The following CSMD3 variants were observed in gnomAD, a reference collection of about 807,000 sequenced individuals.
CSMD3 encodes the protein CUB and sushi domain-containing protein 3.
In CSMD3, 177 loss-of-function variants were observed where a neutral mutation model predicts 435.2. That is an observed-to-expected ratio of 0.41 (90% CI 0.36 to 0.46). CSMD3 has a LOEUF of 0.46. Ranked by LOEUF, CSMD3 falls within the 20% of genes least tolerant of loss-of-function variation. The pLI is 0.34. For synonymous variants in CSMD3, 1,656 were observed against 1,520.5 expected, an observed-to-expected ratio of 1.09 and a Z score of -2.07; for missense variants, 4,265 against 4,504.6, an observed-to-expected ratio of 0.95 and a Z score of 1.52.
rs549609428 is a variant in CSMD3 at position 113,059,631 on chromosome 8, G to A, written c.917+39125C>T. On this transcript the variant is annotated intron_variant, in intron 5 of 70. Coordinates refer to ENST00000297405, the MANE Select transcript of CSMD3 (RefSeq NM_198123.2). The stretch of plus-strand genomic sequence containing the variant: ...GAAAAGTGGCTTAAATGTTGAAAAA[G>A]ATCTGAGGTTATGGTTGTATGTAAG... Among the ~76,000 whole-genome samples the A allele has an allele frequency of 4.6e-5, 7 of 152,262 alleles. No individual in the cohort carries two copies. In the East Asian group the frequency reaches 1.3e-3, roughly 29 times the overall value.
chr8:112,930,654 A>G (rs1393505534), intron 9 of CSMD3, among the ~76,000 whole-genome samples: 7 of 152,126 alleles, frequency 4.6e-5, no homozygotes, highest in South Asian at 2.1e-4. Context: ...TTTACAAAGT[A>G]CTTTCCTCTA....
At chr8:113,358,875 T>C (rs1330888637) in intron 1 of CSMD3, among the ~76,000 whole-genome samples, 2 of 151,820 alleles carry the variant, frequency 1.3e-5, no homozygotes, top group South Asian at 2.1e-4. Flanking sequence ...TCATGCCACA[T>C]AGCAAAATAA....
intron 32 of CSMD3, among the ~76,000 whole-genome samples, chr8:112,464,876 T>C (rs752762170): frequency 6.6e-6 from 1 of 152,154 alleles, no homozygotes; most frequent in African/African-American, 2.4e-5. Context: ...AAATATAAAA[T>C]GGTGAACAAA....
intron 45 of CSMD3, among the ~76,000 whole-genome samples, chr8:112,327,275 A>G (rs1324233523): frequency 6.6e-6 from 1 of 152,184 alleles, no homozygotes; most frequent in African/African-American, 2.4e-5. Context: ...ACTCAGGAAG[A>G]AAATAAACAG....
chr8:112,958,313 T>A (rs1004033716), intron 7 of CSMD3, among the ~76,000 whole-genome samples: 2 of 152,228 alleles, frequency 1.3e-5, no homozygotes, highest in African/African-American at 2.4e-5. Context: ...TAATCATTTT[T>A]AAAATTTTTC....
intron 6 of CSMD3, among the ~76,000 whole-genome samples, chr8:112,994,501 T>C (rs1664441087): frequency 6.6e-6 from 1 of 151,710 alleles, no homozygotes; most frequent in Non-Finnish European, 1.5e-5. Flanking sequence ...GGAAATTAGA[T>C]ATGTAAGTTC....
At chr8:113,255,856 T>C (rs2093375705) in intron 3 of CSMD3, among the ~76,000 whole-genome samples, 1 of 151,888 alleles carries the variant, frequency 6.6e-6, no homozygotes, top group Non-Finnish European at 1.5e-5. Flanking sequence ...AAATTAACAG[T>C]GAACCGTTTT....
At chr8:112,263,993 G>A (rs927079675) in intron 60 of CSMD3, among the ~76,000 whole-genome samples, 181 bp from the exon 61 acceptor site, 2 of 152,108 alleles carry the variant, frequency 1.3e-5, no homozygotes, top group African/African-American at 4.8e-5. Flanking sequence ...AATCCCTGCA[G>A]GATGCAACTT....
chr8:112,905,625 G>T (rs1296364471), intron 10 of CSMD3, among the ~76,000 whole-genome samples: 1 of 151,316 alleles, frequency 6.6e-6, no homozygotes, highest in South Asian at 2.1e-4. Flanking sequence ...AATTATAAAA[G>T]ATTTCAACTC....
rs562990916 is a variant in CSMD3, at chr8:113,143,489, G to A, written c.709+30233C>T. On this transcript the variant is annotated intron_variant, in intron 4 of 70. Transcript: ENST00000297405. ...TTCTGGGCATTTATACCAGGGACAC[G>A]AAAATTTATGTTCACACAAAACCTC... 3.1e-4 allele frequency among the ~76,000 whole-genome samples: 47 copies of A among 151,402 alleles called. 1 individual carries two copies. In the South Asian group the frequency reaches 9.3e-3, roughly 30 times the overall value.
intron 45 of CSMD3, among the ~76,000 whole-genome samples, chr8:112,323,195 CTT>C (rs1823166409): frequency 6.6e-6 from 1 of 152,016 alleles, no homozygotes; most frequent in Admixed American, 6.6e-5. Context: ...ATCTGTTTCT[CTT>C]TTGACTTTTG....
intron 13 of CSMD3, among the ~76,000 whole-genome samples, chr8:112,746,348 T>C (rs72678493): frequency 1.0e-3 from 158 of 152,228 alleles, no homozygotes; most frequent in Non-Finnish European, 1.7e-3. Flanking sequence ...ATCTTAGCTA[T>C]AGTGAGTGGT....
intron 3 of CSMD3, among the ~76,000 whole-genome samples, chr8:113,219,713 T>C (rs1194234462): frequency 6.6e-6 from 1 of 151,432 alleles, no homozygotes; most frequent in Non-Finnish European, 1.5e-5. Flanking sequence ...GAAAAATTTA[T>C]TAAATTCCTC....
intron 3 of CSMD3, among the ~76,000 whole-genome samples, chr8:113,267,862 T>C (rs192208058): frequency 6.6e-6 from 1 of 151,904 alleles, no homozygotes; most frequent in Non-Finnish European, 1.5e-5. Context: ...TATAATTTTA[T>C]TGATTATATA....
At chr8:112,783,424 G>GGGAC (rs2078446426) in intron 13 of CSMD3, among the ~76,000 whole-genome samples, 2 of 56,930 alleles carry the variant, frequency 3.5e-5, no homozygotes, top group East Asian at 6.7e-4. Flanking sequence ...GAGGGAGGGA[G>GGGAC]GGAAGGAAGG....
At chr8:113,214,282 T>C (rs2092874956) in intron 3 of CSMD3, among the ~76,000 whole-genome samples, 1 of 152,014 alleles carries the variant, frequency 6.6e-6, no homozygotes, top group Non-Finnish European at 1.5e-5. Context: ...CATGTGAAGC[T>C]TTTACCTGTC....
At chr8:113,291,450 T>C (rs1370704181) in intron 2 of CSMD3, among the ~76,000 whole-genome samples, 3 of 151,926 alleles carry the variant, frequency 2.0e-5, no homozygotes, top group Non-Finnish European at 4.4e-5. Flanking sequence ...AAATTGCATG[T>C]TTCTTTGAAA....
At chr8:113,367,854 C>T (rs1333258053) in intron 1 of CSMD3, among the ~76,000 whole-genome samples, 1 of 152,056 alleles carries the variant, frequency 6.6e-6, no homozygotes, top group Admixed American at 6.6e-5. Flanking sequence ...GTCTTTGCCT[C>T]TTCCCTGGAT....
chr8:112,666,188 T>C, intron 17 of CSMD3, 89 bp downstream of exon 17: 1 of 1,043,378 alleles, frequency 9.6e-7, no homozygotes, highest in Non-Finnish European at 1.5e-6. Flanking sequence ...ACAATAAAAT[T>C]AAACATTCAT....
Sources: allele counts gnomAD v4.1 joint callset (sites outside exome capture counted in the v4.1 genomes callset), GRCh38; gene constraint gnomAD v4.1.1; transcripts MANE v1.5; gene names NCBI Gene and HGNC (gene_info 2026-07-23, HGNC 2026-07-21).